Variants in PLCB1 observed in about 807,000 individuals in gnomAD.
PLCB1 encodes 1-phosphatidylinositol 4,5-bisphosphate phosphodiesterase beta-1.
A neutral mutation model predicts 161.8 loss-of-function variants in PLCB1; 46 were observed. That is an observed-to-expected ratio of 0.28 (90% CI 0.22 to 0.36). The LOEUF (loss-of-function observed/expected upper bound fraction) is 0.36. Ranked by LOEUF, PLCB1 falls within the 10% of genes least tolerant of loss-of-function variation. PLCB1 has a pLI of 1.00. For synonymous variants in PLCB1, 517 were observed against 503.7 expected (o/e 1.03, Z -0.35); for missense variants, 1,016 against 1,472.5 (o/e 0.69, Z 5.07).
chr20:8,643,944 G>A (rs1203631860), intron 4 of PLCB1, among the ~76,000 whole-genome samples: 2 of 152,144 alleles, frequency 1.3e-5, no homozygotes, highest in South Asian at 2.1e-4. Context: ...GCAGGCGCGC[G>A]CCGCCACGCC....
intron 2 of PLCB1, among the ~76,000 whole-genome samples, chr20:8,191,043 A>G (rs996677787): frequency 1.3e-5 from 2 of 152,102 alleles, no homozygotes; most frequent in Admixed American, 6.6e-5. Context: ...CAACCTCATT[A>G]GAGAAGAGTA....
intron 2 of PLCB1, among the ~76,000 whole-genome samples, chr20:8,308,905 G>A (rs2123333570): frequency 6.6e-6 from 1 of 152,036 alleles, no homozygotes; most frequent in African/African-American, 2.4e-5. Context: ...ATCCCAGATA[G>A]GGACTCATAG....
At chr20:8,261,662 T>C (rs980000073) in intron 2 of PLCB1, among the ~76,000 whole-genome samples, 7 of 152,152 alleles carry the variant, frequency 4.6e-5, no homozygotes, top group African/African-American at 1.7e-4. Flanking sequence ...ACCTAATTTA[T>C]TGAAGGTGAC....
intron 3 of PLCB1, among the ~76,000 whole-genome samples, chr20:8,564,679 A>G (rs1161696031): frequency 2.6e-5 from 4 of 152,228 alleles, no homozygotes; most frequent in Admixed American, 1.3e-4. Context: ...GGCGATGGAT[A>G]TGAACAGACA....
intron 2 of PLCB1, among the ~76,000 whole-genome samples, chr20:8,292,821 C>G (rs1983447461): frequency 6.6e-6 from 1 of 152,142 alleles, no homozygotes; most frequent in South Asian, 2.1e-4. Context: ...TGTTACATTT[C>G]TTATAACATT....
At chr20:8,355,146 T>G (rs1300170006) in intron 2 of PLCB1, among the ~76,000 whole-genome samples, 1 of 152,182 alleles carries the variant, frequency 6.6e-6, no homozygotes, top group Non-Finnish European at 1.5e-5. Flanking sequence ...ACAGGTTCTT[T>G]GCTTATAACA....
chr20:8,419,409 G>C (rs1325531960), intron 3 of PLCB1, among the ~76,000 whole-genome samples: 1 of 152,028 alleles, frequency 6.6e-6, no homozygotes, highest in Admixed American at 6.6e-5. Context: ...AATTTACAAT[G>C]GTTTGTGTTA....
rs150549421 is a variant in PLCB1 at position 8,315,563 on chromosome 20, C to T, written c.178-55819C>T. Among the ~76,000 whole-genome samples, 264 of 152,278 alleles carry T rather than the reference C, an allele frequency of 1.7e-3. 3 individuals carry two copies. Among genetic ancestry groups the T allele is most frequent in the African/African-American group, 5.4e-3 (224 of 41,556 alleles). On this transcript the variant is annotated intron_variant, in intron 2 of 31. Transcript: ENST00000338037. ...GGCCAAAATCACTTACCCTTTCTCA[C>T]TTGTGTTCTTGTGTTCTTAGTTTTC...
intron 23 of PLCB1, 141 bp downstream of exon 23, chr20:8,741,714 T>A (rs1025670423): frequency 6.9e-6 from 4 of 582,826 alleles, no homozygotes; most frequent in Non-Finnish European, 1.3e-5. Flanking sequence ...TAGCATCATG[T>A]CACAGAACAT....
chr20:8,697,775 T>G lies in PLCB1; in HGVS notation c.1159T>G (p.Ser387Ala). The G allele has an allele frequency of 6.2e-7, 1 of 1,614,114 alleles. No homozygotes were observed. Among genetic ancestry groups the G allele is most frequent in the Non-Finnish European group, 8.5e-7 (1 of 1,179,976 alleles). The change falls in exon 11 of 32, where the codon TCT (serine) becomes GCT (alanine). Residue 387 changes from serine to alanine, a missense_variant. Physicochemically the swap from Ser to Ala is moderately conservative, Grantham distance 99. Around this residue, in one of 10 missense-constraint regions of PLCB1, gnomAD observed 56 missense variants for 126.3 expected, o/e 0.44. Transcript: ENST00000338037. ...TGGCTTCACCATGACAACTGAAATA[T>G]CTTTCAAGGTAGAGTATATGAATGT... ...THGFTMTTEISFKEVIEAIAE... is the reference protein window; with the variant it reads ...THGFTMTTEIAFKEVIEAIAE...
rs1568617143 is a variant in PLCB1 at position 8,831,979 on chromosome 20, T to TTTCTTTCTTTCC, written c.3423+41721_3423+41722insTTTCTTTCCTTC. On this transcript the variant is annotated intron_variant, in intron 31 of 31. Transcript: ENST00000338037. ...CTTTCTTTCTTTCTTTCTTTCTTTC[T>TTTCTTTCTTTCC]TTCCTTCTTTCTTTCTGTGCTTCTT... Among the ~76,000 whole-genome samples the TTTCTTTCTTTCC allele has an allele frequency of 3.5e-5, 4 of 115,556 alleles. 1 individual carries two copies. Among genetic ancestry groups the TTTCTTTCTTTCC allele is most frequent in the African/African-American group, 1.3e-4 (4 of 31,752 alleles). The allele number at this position is 115,556 out of a possible 152,430, so 75.8% of individuals were successfully genotyped here. A position where few individuals can be genotyped will look rare whatever the true frequency, so the allele number is the denominator to read the frequency against.
intron 2 of PLCB1, among the ~76,000 whole-genome samples, chr20:8,152,571 AT>A (rs2051520202): frequency 1.3e-5 from 2 of 152,062 alleles, no homozygotes; most frequent in Non-Finnish European, 2.9e-5. Flanking sequence ...TTTAAAAAAT[AT>A]TTTTTATCTG....
chr20:8,134,458 A>T (rs1423581935), intron 1 of PLCB1, among the ~76,000 whole-genome samples: 1 of 152,234 alleles, frequency 6.6e-6, no homozygotes, highest in African/African-American at 2.4e-5. Flanking sequence ...CTTGTTTGGG[A>T]GAGAATAGCC....
chr20:8,680,352 T>C (rs1220595444), intron 9 of PLCB1, among the ~76,000 whole-genome samples: 1 of 152,226 alleles, frequency 6.6e-6, no homozygotes, highest in Non-Finnish European at 1.5e-5. Flanking sequence ...TTTAGGCTAA[T>C]TCATTATGAC....
chr20:8,425,130 G>GTTTT (rs10629165), intron 3 of PLCB1, among the ~76,000 whole-genome samples: 42 of 140,518 alleles, frequency 3.0e-4, no homozygotes, highest in East Asian at 1.3e-3. Flanking sequence ...ATTCTGAGGT[G>GTTTT]TTTTTTTTTT....
At chr20:8,151,463 G>C (rs903908532) in intron 2 of PLCB1, among the ~76,000 whole-genome samples, 2 of 152,150 alleles carry the variant, frequency 1.3e-5, no homozygotes, top group African/African-American at 4.8e-5. Context: ...CCTGGAATTA[G>C]ACTCTAAATC....
At chr20:8,709,309 GT>G (rs1402687740) in intron 12 of PLCB1, among the ~76,000 whole-genome samples, 5 of 152,114 alleles carry the variant, frequency 3.3e-5, no homozygotes, top group Admixed American at 2.6e-4. Flanking sequence ...CAAAGAAAAG[GT>G]TATTTTGACT....
chr20:8,405,527 A>G (rs1050502321), intron 3 of PLCB1, among the ~76,000 whole-genome samples: 1 of 152,216 alleles, frequency 6.6e-6, no homozygotes, highest in South Asian at 2.1e-4. Flanking sequence ...AGCTACAGTC[A>G]TGTTGCAAAA....
At chr20:8,541,165 T>C (rs1415383782) in intron 3 of PLCB1, among the ~76,000 whole-genome samples, 1 of 152,136 alleles carries the variant, frequency 6.6e-6, no homozygotes, top group Non-Finnish European at 1.5e-5. Context: ...GAGTAGAAAT[T>C]AGGAATTTAG....
Sources: gnomAD v4.1 joint callset for allele counts (sites outside exome capture counted in the v4.1 genomes callset) on GRCh38, gnomAD v4.1.1 for gene constraint, gnomAD v4.1.1 regional missense constraint, MANE v1.5 for transcripts, NCBI Gene and HGNC (gene_info 2026-07-23, HGNC 2026-07-21) for gene names.